MYO5B: variants seen among roughly 807,000 people sequenced by gnomAD.
The protein encoded by MYO5B is myosin VB, also known as unconventional myosin-Vb.
Under a neutral mutation model 229.3 loss-of-function variants are expected in MYO5B, and 143 were observed. The observed-to-expected ratio is 0.62, with a 90% CI of 0.54 to 0.72. MYO5B has a LOEUF of 0.72. Among genes scored for constraint, MYO5B ranks in the 30% least tolerant of loss-of-function variants. The probability of loss-of-function intolerance (pLI) is 0.00; values close to 1 mark genes in which losing one functional copy is unlikely to be tolerated. For missense variants in MYO5B, 2,321 were observed against 2,331.0 expected (o/e 1.00, Z 0.09); for synonymous variants, 918 against 885.2 (o/e 1.04, Z -0.66).
At chr18:50,034,797 T>C (rs898550982) in intron 4 of MYO5B, among the ~76,000 whole-genome samples, 2 of 152,132 alleles carry the variant, frequency 1.3e-5, no homozygotes, top group African/African-American at 4.8e-5. Flanking sequence ...AGCTCTCCCC[T>C]GTGGCCACAT....
At position 49,843,397 on chromosome 18, in the gene MYO5B, G is replaced by A; in HGVS notation, c.4460-5C>T. On this transcript the variant is annotated splice_polypyrimidine_tract_variant and splice_region_variant and intron_variant, in intron 33 of 39. Coordinates refer to ENST00000285039, the MANE Select transcript of MYO5B (RefSeq NM_001080467.3). ...ACAGCATCTGGGGCTTCAAGTCTAA[G>A]GGCAACGAGAGCAGCAAATGGCAAG... The A allele has an allele frequency of 6.2e-7, 1 of 1,614,142 alleles. No individual in the cohort carries two copies. The highest frequency in any genetic ancestry group is 8.5e-7 in the Non-Finnish European group (1 of 1,180,036).
At chr18:49,841,924 T>C (rs949141160) in intron 34 of MYO5B, among the ~76,000 whole-genome samples, 2 of 152,178 alleles carry the variant, frequency 1.3e-5, no homozygotes, top group African/African-American at 4.8e-5. Context: ...ATCATGGCTT[T>C]AACTCTCTAG....
intron 1 of MYO5B, among the ~76,000 whole-genome samples, chr18:50,058,746 G>A (rs565103961): frequency 6.8e-4 from 103 of 152,226 alleles, no homozygotes; most frequent in African/African-American, 2.3e-3. Flanking sequence ...GGGAGGCGGA[G>A]GTTGCAGTGA....
At chr18:50,025,036 T>G (rs1250130265) in intron 4 of MYO5B, among the ~76,000 whole-genome samples, 1 of 152,198 alleles carries the variant, frequency 6.6e-6, no homozygotes, top group Non-Finnish European at 1.5e-5. Flanking sequence ...GCTTTCTGAC[T>G]CTCTTCCTCA....
chr18:49,906,760 A>G, intron 18 of MYO5B, 130 bp from the exon 19 acceptor site: 1 of 800,092 alleles, frequency 1.2e-6, no homozygotes, highest in East Asian at 2.7e-5. Flanking sequence ...GTAGATGGAC[A>G]CAAAGTCTCA....
At chr18:49,891,092 G>T (rs185696676) in intron 22 of MYO5B, among the ~76,000 whole-genome samples, 91 of 152,212 alleles carry the variant, frequency 6.0e-4, no homozygotes, top group African/African-American at 2.1e-3. Context: ...TGACCTGGCC[G>T]CACTGTGCTC....
At chr18:49,921,977 T>C (rs555313398) in intron 17 of MYO5B, among the ~76,000 whole-genome samples, 109 of 152,346 alleles carry the variant, frequency 7.2e-4, no homozygotes, top group African/African-American at 2.4e-3. Flanking sequence ...TGCAAAGTTG[T>C]ATGGTTACTT....
chr18:49,931,659 T>C (rs1022540317), intron 16 of MYO5B, among the ~76,000 whole-genome samples: 2 of 152,104 alleles, frequency 1.3e-5, no homozygotes, highest in Non-Finnish European at 2.9e-5. Flanking sequence ...AGTTCCAGGA[T>C]CCAAGGGGGT....
At chr18:50,005,299 C>T (rs1438218997) in intron 4 of MYO5B, among the ~76,000 whole-genome samples, 1 of 152,200 alleles carries the variant, frequency 6.6e-6, no homozygotes, top group African/African-American at 2.4e-5. Flanking sequence ...TCTAAAGGAT[C>T]TGCCCTGAGT....
intron 18 of MYO5B, among the ~76,000 whole-genome samples, chr18:49,911,649 G>C (rs1179699913): frequency 6.6e-6 from 1 of 152,116 alleles, no homozygotes; most frequent in African/African-American, 2.4e-5. Context: ...GTCTGATCAG[G>C]GCCCAGTCAC....
chr18:49,969,406 T>C (rs1232997408), intron 10 of MYO5B, among the ~76,000 whole-genome samples: 1 of 152,240 alleles, frequency 6.6e-6, no homozygotes, highest in Admixed American at 6.5e-5. Context: ...TATATCATTG[T>C]AGTCAACCTA....
rs191915919 is a variant in MYO5B at position 50,130,413 on chromosome 18, G to A, written c.27+64354C>T. 4.8e-3 allele frequency among the ~76,000 whole-genome samples: 727 copies of A among 152,280 alleles called. 3 individuals carry two copies. Among genetic ancestry groups the A allele is most frequent in the Non-Finnish European group, 6.8e-3 (463 of 68,016 alleles). On this transcript the variant is annotated intron_variant, in intron 1 of 39. Transcript: ENST00000285039. ...GGCTTATGCCTGAGCACTTCCTTAG[G>A]GCCTCCAGAAGGAAACCTGTACAAC...
intron 29 of MYO5B, among the ~76,000 whole-genome samples, chr18:49,861,995 G>GATT (rs1301824905): frequency 7.6e-6 from 1 of 131,128 alleles, no homozygotes; most frequent in African/African-American, 2.8e-5. Context: ...CCAGCTCCAT[G>GATT]TTTTTTTTTT....
chr18:49,832,058 A>G lies in MYO5B; in HGVS notation c.5394+3286T>C, dbSNP rs75612399. Among the ~76,000 whole-genome samples, 690 of 152,344 alleles carry G rather than the reference A, an allele frequency of 4.5e-3. 5 individuals are homozygous for G. The highest frequency in any genetic ancestry group is 0.015 in the African/African-American group (610 of 41,592). ...AGAAGCCTACCCAGGGTTGAAGGGA[A>G]GGGAGAATATTATTTGCCCAAATGG... is the stretch of plus-strand genomic sequence containing the variant. On this transcript the variant is annotated intron_variant, in intron 39 of 39. Coordinates refer to ENST00000285039, the MANE Select transcript of MYO5B (RefSeq NM_001080467.3).
At chr18:49,904,620 G>GCC (rs1307677291) in intron 20 of MYO5B, 52 bp downstream of exon 20, 6 of 1,610,708 alleles carry the variant, frequency 3.7e-6, no homozygotes, top group Non-Finnish European at 5.1e-6. Flanking sequence ...TTCATCTGTT[G>GCC]CCACTTTAGT....
intron 12 of MYO5B, among the ~76,000 whole-genome samples, chr18:49,961,994 C>T (rs1240958695): frequency 6.6e-6 from 1 of 152,178 alleles, no homozygotes; most frequent in Non-Finnish European, 1.5e-5. Context: ...ACATCAAGTC[C>T]AAACCACCAT....
chr18:50,107,048 T>A (rs1046504698), intron 1 of MYO5B, among the ~76,000 whole-genome samples: 1 of 149,760 alleles, frequency 6.7e-6, no homozygotes, highest in African/African-American at 2.4e-5. Context: ...TGACTCTGAA[T>A]CATGGGCTAG....
chr18:50,051,789 T>C (rs2030399935), intron 2 of MYO5B, among the ~76,000 whole-genome samples: 1 of 152,192 alleles, frequency 6.6e-6, no homozygotes, highest in South Asian at 2.1e-4. Context: ...GGACAAATAC[T>C]GTATGATTCC....
chr18:50,053,086 G>C (rs758416296), intron 2 of MYO5B, among the ~76,000 whole-genome samples: 4 of 152,146 alleles, frequency 2.6e-5, no homozygotes, highest in Admixed American at 6.6e-5. Context: ...TGCATTCAAA[G>C]TGTGGCCACG....
Sources: gnomAD v4.1 joint callset for allele counts (sites outside exome capture counted in the v4.1 genomes callset) on GRCh38, gnomAD v4.1.1 for gene constraint, MANE v1.5 for transcripts, NCBI Gene and HGNC (gene_info 2026-07-23, HGNC 2026-07-21) for gene names.